SLC25A21: variants seen among roughly 807,000 people sequenced by gnomAD.
SLC25A21 encodes the protein solute carrier family 25 member 21, also known as mitochondrial 2-oxodicarboxylate carrier.
SLC25A21 carries 47 observed loss-of-function variants against 43.8 expected under a neutral mutation model. The observed-to-expected ratio is 1.07, with a 90% CI of 0.85 to 1.37. The LOEUF is 1.37. Among genes scored for constraint, SLC25A21 ranks in the 40% most tolerant of loss-of-function variants. The pLI is 0.00. For synonymous variants in SLC25A21, 131 were observed against 121.3 expected (o/e 1.08, Z -0.52); for missense variants, 352 against 350.2 (o/e 1.00, Z -0.04).
intron 1 of SLC25A21, among the ~76,000 whole-genome samples, chr14:36,944,367 C>T (rs1345556936): frequency 6.6e-6 from 1 of 152,110 alleles, no homozygotes; most frequent in Non-Finnish European, 1.5e-5. Flanking sequence ...CTTCAGCTTG[C>T]GGTAGGAGTT....
intron 1 of SLC25A21, among the ~76,000 whole-genome samples, chr14:36,898,698 G>A (rs779956684): frequency 2.6e-5 from 4 of 152,084 alleles, no homozygotes; most frequent in Admixed American, 6.6e-5. Context: ...TCACTTATAT[G>A]AGAAACCTAA....
chr14:36,719,908 G>C (rs1343791904), intron 6 of SLC25A21, among the ~76,000 whole-genome samples: 2 of 152,180 alleles, frequency 1.3e-5, no homozygotes, highest in African/African-American at 4.8e-5. Flanking sequence ...TTCTTGATGG[G>C]AACTCCACTT....
At chr14:37,005,290 T>C (rs1288857714) in intron 1 of SLC25A21, among the ~76,000 whole-genome samples, 1 of 145,930 alleles carries the variant, frequency 6.9e-6, no homozygotes, top group Non-Finnish European at 1.5e-5. Context: ...CCATTGCATT[T>C]GGACATGCAT....
chr14:36,765,006 C>G (rs1396889591), intron 3 of SLC25A21, among the ~76,000 whole-genome samples: 1 of 152,236 alleles, frequency 6.6e-6, no homozygotes, highest in Non-Finnish European at 1.5e-5. Context: ...CCAGGAGGGC[C>G]TATGTCCCTT....
At chr14:36,858,066 C>T (rs56706104) in intron 2 of SLC25A21, among the ~76,000 whole-genome samples, 8 of 152,144 alleles carry the variant, frequency 5.3e-5, no homozygotes, top group African/African-American at 1.9e-4. Context: ...AATTTGACAC[C>T]TGGCAAAAAT....
At chr14:36,923,959 A>G (rs1001951783) in intron 1 of SLC25A21, among the ~76,000 whole-genome samples, 1 of 152,194 alleles carries the variant, frequency 6.6e-6, no homozygotes. Context: ...AGAAATGCAA[A>G]TCAAAACCAC....
At chr14:36,988,174 G>T (rs957117280) in intron 1 of SLC25A21, among the ~76,000 whole-genome samples, 5 of 152,128 alleles carry the variant, frequency 3.3e-5, no homozygotes, top group Non-Finnish European at 5.9e-5. Flanking sequence ...TAATATCGGG[G>T]GAGAGAGGTA....
intron 1 of SLC25A21, among the ~76,000 whole-genome samples, chr14:36,930,802 T>C (rs568201486): frequency 6.6e-6 from 1 of 152,094 alleles, no homozygotes; most frequent in South Asian, 2.1e-4. Flanking sequence ...CTCTCAAGTG[T>C]CATCCCCTGC....
At chr14:37,133,293 T>G (rs1028199506) in intron 1 of SLC25A21, among the ~76,000 whole-genome samples, 2 of 151,946 alleles carry the variant, frequency 1.3e-5, no homozygotes, top group South Asian at 4.2e-4. Context: ...CTCAGACACA[T>G]AAATCATAGA....
chr14:36,958,679 G>GCGCGCACACA lies in SLC25A21; in HGVS notation c.71-83676_71-83675insTGTGTGCGCG, dbSNP rs1399246300. On this transcript the variant is annotated intron_variant, in intron 1 of 9. Transcript: ENST00000331299. ...TAGAGATGTACACATAAGCACACGT[G>GCGCGCACACA]CACACACACACACACACACACACAC... 1.3e-4 allele frequency among the ~76,000 whole-genome samples: 18 copies of GCGCGCACACA among 136,972 alleles called. No homozygotes were observed. The East Asian group carries it at 1.6e-3, about 12-fold the overall frequency. 89.9% of individuals were successfully genotyped at this position (136,972 alleles called of 152,430 possible). A position where few individuals can be genotyped will look rare whatever the true frequency, so the allele number is the denominator to read the frequency against.
intron 1 of SLC25A21, among the ~76,000 whole-genome samples, chr14:36,895,488 C>G (rs1178962539): frequency 1.3e-5 from 2 of 152,126 alleles, no homozygotes; most frequent in Admixed American, 6.6e-5. Context: ...TTTCAAAAAA[C>G]CAGCTCTGGA....
chr14:37,014,423 T>C (rs144749046), intron 1 of SLC25A21, among the ~76,000 whole-genome samples: 1 of 152,292 alleles, frequency 6.6e-6, no homozygotes, highest in African/African-American at 2.4e-5. Flanking sequence ...GAAACCACTT[T>C]CTTTGCTCAT....
intron 1 of SLC25A21, among the ~76,000 whole-genome samples, chr14:37,099,046 G>C (rs936985829): frequency 6.6e-6 from 1 of 151,942 alleles, no homozygotes; most frequent in African/African-American, 2.4e-5. Context: ...CAAGTGATCC[G>C]CCTGCCTCGG....
intron 3 of SLC25A21, among the ~76,000 whole-genome samples, chr14:36,741,968 G>A (rs1885284542): frequency 1.3e-5 from 2 of 152,158 alleles, no homozygotes; most frequent in African/African-American, 4.8e-5. Flanking sequence ...AATGATTCAA[G>A]CTCATCTTTG....
At chr14:36,788,988 A>T (rs1002290773) in intron 3 of SLC25A21, among the ~76,000 whole-genome samples, 1 of 152,190 alleles carries the variant, frequency 6.6e-6, no homozygotes, top group Non-Finnish European at 1.5e-5. Flanking sequence ...CTGTGTCTGC[A>T]ACTAAATATC....
intron 3 of SLC25A21, among the ~76,000 whole-genome samples, chr14:36,768,032 G>A (rs759375433): frequency 7.9e-5 from 12 of 152,298 alleles, no homozygotes; most frequent in Non-Finnish European, 1.8e-4. Flanking sequence ...TTTGCAGTGT[G>A]GAAAAACATG....
intron 1 of SLC25A21, among the ~76,000 whole-genome samples, chr14:37,136,494 C>CT (rs1566906617): frequency 6.6e-6 from 1 of 152,140 alleles, no homozygotes; most frequent in Non-Finnish European, 1.5e-5. Context: ...TAATTAAGTT[C>CT]TTTTAAGAAC....
chr14:36,937,685 C>T (rs987493258), intron 1 of SLC25A21, among the ~76,000 whole-genome samples: 1 of 152,002 alleles, frequency 6.6e-6, no homozygotes, highest in Admixed American at 6.6e-5. Flanking sequence ...AATAGGGCTG[C>T]GAGGAGACGG....
intron 2 of SLC25A21, among the ~76,000 whole-genome samples, chr14:36,830,498 C>T (rs1382267746): frequency 6.6e-6 from 1 of 151,952 alleles, no homozygotes; most frequent in African/African-American, 2.4e-5. Flanking sequence ...TCCTACTACA[C>T]TACTAAGTCT....
Sources: gnomAD v4.1 joint callset for allele counts (sites outside exome capture counted in the v4.1 genomes callset) on GRCh38, gnomAD v4.1.1 for gene constraint, MANE v1.5 for transcripts, NCBI Gene and HGNC (gene_info 2026-07-23, HGNC 2026-07-21) for gene names.